TK2: variants seen among roughly 807,000 people sequenced by gnomAD.
The protein encoded by TK2 is thymidine kinase 2, mitochondrial.
TK2 carries 35 observed loss-of-function variants against 41.9 expected under a neutral mutation model. The ratio of observed to expected loss-of-function variants is 0.84; its 90% CI spans 0.64 to 1.11. TK2 has a LOEUF of 1.11. Among genes scored for constraint, TK2 ranks in the 50% least tolerant of loss-of-function variants. The pLI is 0.00. For missense variants in TK2, 320 were observed against 351.1 expected (o/e 0.91, Z 0.71); for synonymous variants, 128 against 129.1 (o/e 0.99, Z 0.06).
intron 8 of TK2, 43 bp from the exon 9 acceptor site, chr16:66,513,854 A>G: frequency 6.4e-7 from 1 of 1,558,508 alleles, no homozygotes; most frequent in Non-Finnish European, 8.8e-7. Context: ...TGGACAGAGC[A>G]GACCCCACCT....
intron 8 of TK2, among the ~76,000 whole-genome samples, 156 bp downstream of exon 8, chr16:66,516,979 AG>A (rs1435947986): frequency 1.3e-5 from 2 of 152,082 alleles, no homozygotes; most frequent in Admixed American, 6.5e-5. Context: ...CTGGCCAAAC[AG>A]GAAGTCAGAG....
intron 6 of TK2, among the ~76,000 whole-genome samples, chr16:66,526,214 C>A (rs1964926595): frequency 6.6e-6 from 1 of 152,150 alleles, no homozygotes; most frequent in South Asian, 2.1e-4. Flanking sequence ...CCAAGGTGGG[C>A]AAGGACCCAC....
intron 1 of TK2, chr16:66,549,424 T>C (rs1380290554): frequency 1.8e-6 from 2 of 1,085,042 alleles, no homozygotes; most frequent in Non-Finnish European, 2.2e-6. Flanking sequence ...TCGCTGCCCA[T>C]CCGTCCCACA....
intron 6 of TK2, among the ~76,000 whole-genome samples, chr16:66,525,615 C>A (rs1567530556): frequency 6.6e-6 from 1 of 152,154 alleles, no homozygotes; most frequent in Non-Finnish European, 1.5e-5. Context: ...GCCTGGCCCT[C>A]CAGGCAGCCA....
chr16:66,542,105 G>A, intron 2 of TK2, 152 bp from the exon 3 acceptor site: 1 of 797,408 alleles, frequency 1.3e-6, no homozygotes, highest in Non-Finnish European at 2.1e-6. Flanking sequence ...CGGGAAACTG[G>A]CAAGGTCCCA....
At chr16:66,519,475 G>A (rs959217387) in intron 6 of TK2, among the ~76,000 whole-genome samples, 3 of 152,108 alleles carry the variant, frequency 2.0e-5, no homozygotes, top group Admixed American at 1.3e-4. Flanking sequence ...CACTGCGCCC[G>A]GCCTACTACA....
chr16:66,530,158 A>G (rs751679057), intron 5 of TK2, among the ~76,000 whole-genome samples: 1 of 152,230 alleles, frequency 6.6e-6, no homozygotes, highest in Non-Finnish European at 1.5e-5. Context: ...TTATTCACCA[A>G]AAACGGCCCA....
intron 2 of TK2, chr16:66,548,743 C>T: frequency 1.9e-6 from 1 of 529,050 alleles, no homozygotes; most frequent in Non-Finnish European, 3.4e-6. Context: ...CCAAATCTAC[C>T]TGAAGGATAC....
chr16:66,528,156 T>A (rs1460909592), intron 6 of TK2, among the ~76,000 whole-genome samples: 2 of 151,694 alleles, frequency 1.3e-5, no homozygotes, highest in Non-Finnish European at 2.9e-5. Context: ...CAGATGAGAG[T>A]GGGAGGAAGG....
intron 3 of TK2, among the ~76,000 whole-genome samples, chr16:66,541,201 C>A (rs1174345823): frequency 6.6e-6 from 1 of 152,180 alleles, no homozygotes; most frequent in Non-Finnish European, 1.5e-5. Context: ...TATCTCATTA[C>A]ATTTATGCAA....
chr16:66,546,701 C>T (rs1280835011), intron 2 of TK2: 1 of 151,144 alleles, frequency 6.6e-6, no homozygotes, highest in Non-Finnish European at 1.5e-5. Context: ...AATGGCTTTA[C>T]ATAATCCATT....
intron 6 of TK2, among the ~76,000 whole-genome samples, chr16:66,525,560 G>A (rs958776264): frequency 6.6e-6 from 1 of 152,176 alleles, no homozygotes; most frequent in Non-Finnish European, 1.5e-5. Flanking sequence ...GAAAGGGTCT[G>A]AGGAACACCG....
chr16:66,511,796 C>T lies in TK2; in HGVS notation c.*172G>A, dbSNP rs531185643. 1.0e-5 allele frequency: 7 copies of T among 674,730 alleles called. No homozygotes were observed. Among genetic ancestry groups the T allele is most frequent in the African/African-American group, 7.1e-5 (4 of 56,468 alleles). The allele number at this position is 674,730 out of a possible 1,614,324, so 41.8% of individuals were successfully genotyped here. ...ATTGGTCCCGTTTGTCATTTACCCA[C>T]GAGGGCCAGAGACGCATGACAAAGA... is the stretch of plus-strand genomic sequence containing the variant. On this transcript the variant is annotated 3_prime_UTR_variant, in exon 10 of 10. Coordinates refer to ENST00000544898, the MANE Select transcript of TK2 (RefSeq NM_004614.5).
In TK2 at chr16:66,514,805, A is replaced by G. The variant is rs975764318; in HGVS notation, c.619-994T>C. Among the ~76,000 whole-genome samples the G allele has an allele frequency of 2.0e-5, 3 of 152,174 alleles. No homozygotes were observed. Among genetic ancestry groups the G allele is most frequent in the Non-Finnish European group, 4.4e-5 (3 of 68,030 alleles). The stretch of plus-strand genomic sequence containing the variant: ...GAAAGAAGTAGACATAGGAGACTCC[A>G]TTTTGTTCTGTACTAAGAAAAATTC... On this transcript the variant is annotated intron_variant, in intron 8 of 9. Transcript: ENST00000544898. This position sits in a 1 kb window ranked among gnomAD's most constrained non-coding sequence, Gnocchi z 4.2.
Position 66,550,115 on chromosome 16 carries a change from G to T in TK2, c.-54C>A, listed in dbSNP as rs569968501. ...GGTTCCTTCTTGTGCGAGTCGGCGCGGACGACTGCTAGTCCAGCCGTTGGG... is the reference window on the plus strand; with the variant it reads ...GGTTCCTTCTTGTGCGAGTCGGCGCTGACGACTGCTAGTCCAGCCGTTGGG... On this transcript the variant is annotated 5_prime_UTR_variant, in exon 1 of 10. Coordinates refer to ENST00000544898, the MANE Select transcript of TK2 (RefSeq NM_004614.5). 3 of 1,610,830 alleles carry T rather than the reference G, an allele frequency of 1.9e-6. No homozygotes were observed. In the East Asian group the frequency reaches 6.7e-5, roughly 36 times the overall value.
rs1964565005 is a variant in TK2, at chr16:66,514,905, T to TA, written c.619-1095dup. Among the ~76,000 whole-genome samples the TA allele has an allele frequency of 6.6e-6, 1 of 152,172 alleles. No individual in the cohort carries two copies. The highest frequency in any genetic ancestry group is 1.5e-5 in the Non-Finnish European group (1 of 68,036). ...TCTCTGAAACGTGTGCTGTGTCCAC[T>TA]AAGGGTTAAATGGATTAAGGGCGAT... On this transcript the variant is annotated intron_variant, in intron 8 of 9. Coordinates refer to ENST00000544898, the MANE Select transcript of TK2 (RefSeq NM_004614.5). This position sits in a 1 kb window ranked among gnomAD's most constrained non-coding sequence, Gnocchi z 4.2.
intron 3 of TK2, among the ~76,000 whole-genome samples, chr16:66,540,580 A>G (rs1272405389): frequency 6.6e-6 from 1 of 152,256 alleles, no homozygotes; most frequent in African/African-American, 2.4e-5. Flanking sequence ...AAAGAGAGCC[A>G]TCAATAGAGA....
intron 5 of TK2, among the ~76,000 whole-genome samples, chr16:66,531,088 GAGA>G (rs1965096060): frequency 6.6e-6 from 1 of 152,188 alleles, no homozygotes; most frequent in Admixed American, 6.5e-5. Context: ...ACCACACTTT[GAGA>G]AGAACTGAGT....
At chr16:66,531,541 T>C in intron 4 of TK2, 72 bp from the exon 5 acceptor site, 1 of 1,451,828 alleles carries the variant, frequency 6.9e-7, no homozygotes, top group Non-Finnish European at 9.6e-7. Context: ...CACAAGGCAC[T>C]GAAGGACAGC....
Sources: allele counts gnomAD v4.1 joint callset (sites outside exome capture counted in the v4.1 genomes callset), GRCh38; gene constraint gnomAD v4.1.1; non-coding constraint Gnocchi (gnomAD v3.1); transcripts MANE v1.5; gene names NCBI Gene and HGNC (gene_info 2026-07-23, HGNC 2026-07-21).